The following MAP3K9 variants were observed in gnomAD, a reference collection of about 807,000 sequenced individuals.
MAP3K9 encodes the protein mixed lineage kinase 1 (tyr and ser/thr specificity).
Under a neutral mutation model 95.8 loss-of-function variants are expected in MAP3K9, and 46 were observed. The observed-to-expected ratio is 0.48, with a 90% CI of 0.38 to 0.61. MAP3K9 has a LOEUF of 0.61. Ranked by LOEUF, MAP3K9 falls within the 20% of genes least tolerant of loss-of-function variation. The pLI is 0.00. For synonymous variants in MAP3K9, 533 were observed against 593.8 expected, an observed-to-expected ratio of 0.90 and a Z score of 1.49; for missense variants, 1,296 against 1,474.3, an observed-to-expected ratio of 0.88 and a Z score of 1.98.
At chr14:70,749,760 G>C (rs2054199820) in intron 4 of MAP3K9, 173 bp downstream of exon 4, 3 of 653,340 alleles carry the variant, frequency 4.6e-6, no homozygotes, top group Non-Finnish European at 7.8e-6. Context: ...CTTGCAGCAG[G>C]GTGTGGATGT....
chr14:70,802,852 G>C (rs111927126), intron 1 of MAP3K9, among the ~76,000 whole-genome samples: 5,119 of 152,152 alleles, frequency 0.034, 138 homozygotes, highest in Non-Finnish European at 0.053. Flanking sequence ...AGAGATCCTT[G>C]AAATAAAATG....
chr14:70,801,180 G>A, intron 1 of MAP3K9, 100 bp from the exon 2 acceptor site: 6 of 1,133,222 alleles, frequency 5.3e-6, no homozygotes, highest in Non-Finnish European at 7.4e-6. Context: ...CAAGTTGTCT[G>A]TTTACTGGGC....
At position 70,738,414 on chromosome 14, in the gene MAP3K9, G is replaced by GT; in HGVS notation, c.1691-17dup. Reference sequence around the variant, plus strand: ...CCTGGTGTCACTGTGAATCACAAGGGTTGGATAGGATCTAGAAAATGGACA... The same window carrying GT: ...CCTGGTGTCACTGTGAATCACAAGGGTTTGGATAGGATCTAGAAAATGGACA... On this transcript the variant is annotated splice_polypyrimidine_tract_variant and intron_variant, in intron 7 of 11. Coordinates refer to ENST00000554752, the MANE Select transcript of MAP3K9 (RefSeq NM_001284230.2). 1 of 1,612,818 alleles carries GT rather than the reference G, an allele frequency of 6.2e-7. No individual in the cohort carries two copies. The highest frequency in any genetic ancestry group is 8.5e-7 in the Non-Finnish European group (1 of 1,179,376).
intron 3 of MAP3K9, among the ~76,000 whole-genome samples, chr14:70,755,520 T>C (rs1268127157): frequency 6.6e-6 from 1 of 152,248 alleles, no homozygotes; most frequent in Non-Finnish European, 1.5e-5. Context: ...CTTTGGGGAA[T>C]TCTTGTGAAG....
chr14:70,749,009 A>G lies in MAP3K9; in HGVS notation c.1151-5T>C. On this transcript the variant is annotated splice_polypyrimidine_tract_variant and splice_region_variant and intron_variant, in intron 4 of 11. Coordinates refer to ENST00000554752, the MANE Select transcript of MAP3K9 (RefSeq NM_001284230.2). ...GGGGATCAGGATTCCAGCAGTCTGA[A>G]TAGAACATGTGAATACTCAGAAAGC... 1.2e-6 allele frequency: 2 copies of G among 1,612,192 alleles called. No homozygotes were observed. Among genetic ancestry groups the G allele is most frequent in the East Asian group, 2.2e-5 (1 of 44,820 alleles).
At chr14:70,770,238 T>C (rs974290752) in intron 2 of MAP3K9, among the ~76,000 whole-genome samples, 28 of 152,206 alleles carry the variant, frequency 1.8e-4, no homozygotes, top group African/African-American at 6.0e-4. Context: ...TGGAGTGCAA[T>C]GGCATAATCT....
chr14:70,746,130 T>A (rs1218458861), intron 5 of MAP3K9, among the ~76,000 whole-genome samples: 1 of 152,174 alleles, frequency 6.6e-6, no homozygotes, highest in African/African-American at 2.4e-5. Context: ...AGTTTAAAAA[T>A]CAAAGCTAAT....
Position 70,738,380 on chromosome 14 carries a change from C to T in MAP3K9, c.1709G>A (p.Ser570Asn). 6.2e-7 allele frequency: 1 copy of T among 1,613,928 alleles called. No homozygotes were observed. The highest frequency in any genetic ancestry group is 8.5e-7 in the Non-Finnish European group (1 of 1,179,942). The change falls in exon 8 of 12, where the codon AGC (serine) becomes AAC (asparagine). Residue 570 changes from serine (S) to asparagine (N), a missense_variant. Around this residue, in one of 5 missense-constraint regions of MAP3K9, gnomAD observed 377 missense variants for 417.1 expected, o/e 0.90. Transcript: ENST00000554752. ...RAIQLTPGES[S>N]KTWGRSSVVP... is the part of the protein sequence containing the mutation. Reference sequence around the variant, plus strand: ...GACTGAGCTCCTGCCCCAGGTTTTGCTGCTTTCACCTGGTGTCACTGTGAA... The same window carrying T: ...GACTGAGCTCCTGCCCCAGGTTTTGTTGCTTTCACCTGGTGTCACTGTGAA...
chr14:70,729,181 G>A lies in MAP3K9; in HGVS notation c.*1199C>T, dbSNP rs1178895250. The A allele has an allele frequency of 1.3e-5, 2 of 152,088 alleles. No individual in the cohort carries two copies. The highest frequency in any genetic ancestry group is 2.9e-5 in the Non-Finnish European group (2 of 68,080). 9.4% of individuals were successfully genotyped at this position (152,088 alleles called of 1,614,324 possible). ...GTTATTGTACATCAGCGGCTCCCTG[G>A]GCACCCTATAAATAGCACTTTGCCA... On this transcript the variant is annotated 3_prime_UTR_variant, in exon 12 of 12. Coordinates refer to ENST00000554752, the MANE Select transcript of MAP3K9 (RefSeq NM_001284230.2).
chr14:70,804,212 G>A (rs1024816040), intron 1 of MAP3K9, among the ~76,000 whole-genome samples: 4 of 152,176 alleles, frequency 2.6e-5, no homozygotes, highest in South Asian at 2.1e-4. Flanking sequence ...TGTTCACATA[G>A]GTCCAGCTGA....
chr14:70,727,671 C>A lies in MAP3K9; in HGVS notation c.*2709G>T, dbSNP rs944309873. On this transcript the variant is annotated 3_prime_UTR_variant, in exon 12 of 12. Coordinates refer to ENST00000554752, the MANE Select transcript of MAP3K9 (RefSeq NM_001284230.2). ...GAGAGTGCAGCAGTCAGGGGCCCAT[C>A]AGAGACCAGGTGTGTAGGAGCTGAG... The A allele has an allele frequency of 6.6e-6, 1 of 152,376 alleles. No individual in the cohort carries two copies. 9.4% of individuals were successfully genotyped at this position (152,376 alleles called of 1,614,324 possible).
chr14:70,798,783 G>C (rs143610858), intron 2 of MAP3K9, among the ~76,000 whole-genome samples: 1,755 of 152,064 alleles, frequency 0.012, 45 homozygotes, highest in African/African-American at 0.04. Context: ...CGGCCCAAAA[G>C]TTTTAATTTA....
chr14:70,797,597 G>C (rs1236147958), intron 2 of MAP3K9, among the ~76,000 whole-genome samples: 1 of 152,056 alleles, frequency 6.6e-6, no homozygotes, highest in Non-Finnish European at 1.5e-5. Context: ...AATTAGCCAG[G>C]TGTGGTGGCA....
Position 70,800,883 on chromosome 14 carries a change from T to C in MAP3K9, c.604A>G (p.Asn202Asp). ...AKLFAMLKHP[N>D]IIALRGVCLK... ...CATACCCCTCTTAGGGCAATGATGT[T>C]GGGGTGCTTCAGCATGGCGAAGAGC... The change falls in exon 2 of 12, where the codon AAC becomes GAC. Residue 202 changes from asparagine to aspartate, a missense_variant. This residue lies in a region of MAP3K9 where 338 missense variants were observed against 363.4 expected (regional missense o/e 0.93). Transcript: ENST00000554752. 6.2e-7 allele frequency: 1 copy of C among 1,614,204 alleles called. No homozygotes were observed. Among genetic ancestry groups the C allele is most frequent in the Non-Finnish European group, 8.5e-7 (1 of 1,180,040 alleles).
At chr14:70,793,679 C>CATTT (rs1286155376) in intron 2 of MAP3K9, among the ~76,000 whole-genome samples, 1 of 152,052 alleles carries the variant, frequency 6.6e-6, no homozygotes, top group Non-Finnish European at 1.5e-5. Context: ...TTCATTCATT[C>CATTT]ATTCCTTTTA....
At chr14:70,755,132 T>A (rs2054281465) in intron 3 of MAP3K9, among the ~76,000 whole-genome samples, 1 of 152,226 alleles carries the variant, frequency 6.6e-6, no homozygotes, top group African/African-American at 2.4e-5. Flanking sequence ...CCAGGAGGGT[T>A]GAGGTGTGGG....
At chr14:70,735,254 A>G (rs1026688383) in intron 9 of MAP3K9, among the ~76,000 whole-genome samples, 3 of 152,136 alleles carry the variant, frequency 2.0e-5, no homozygotes, top group African/African-American at 7.2e-5. Context: ...GGAGGGGGGA[A>G]CCAGAGGCCT....
intron 6 of MAP3K9, among the ~76,000 whole-genome samples, chr14:70,741,065 C>T: frequency 6.6e-6 from 1 of 152,070 alleles, no homozygotes; most frequent in Non-Finnish European, 1.5e-5. Context: ...TACTCCTGCC[C>T]CATTAGACCA....
At chr14:70,742,646 G>A in intron 5 of MAP3K9, 55 bp from the exon 6 acceptor site, 3 of 1,577,838 alleles carry the variant, frequency 1.9e-6, no homozygotes, top group Non-Finnish European at 2.6e-6. Flanking sequence ...GTGCAGAGGG[G>A]CTCTGGGGTG....
Sources: gnomAD v4.1 joint callset for allele counts (sites outside exome capture counted in the v4.1 genomes callset) on GRCh38, gnomAD v4.1.1 for gene constraint, gnomAD v4.1.1 regional missense constraint, MANE v1.5 for transcripts, NCBI Gene and HGNC (gene_info 2026-07-23, HGNC 2026-07-21) for gene names.